The following USP37 variants were observed in gnomAD, a reference collection of about 807,000 sequenced individuals.
The protein encoded by USP37 is ubiquitin carboxyl-terminal hydrolase 37.
USP37 carries 27 observed loss-of-function variants against 124.0 expected under a neutral mutation model. The ratio of observed to expected loss-of-function variants is 0.22; its 90% CI spans 0.16 to 0.30. The LOEUF is 0.30. USP37 is among the 10% of genes least tolerant of loss of function. The probability of loss-of-function intolerance (pLI) is 1.00; values close to 1 mark genes in which losing one functional copy is unlikely to be tolerated. For missense variants in USP37, 889 were observed against 1,140.4 expected (o/e 0.78, Z 3.17); for synonymous variants, 365 against 388.0 (o/e 0.94, Z 0.70).
At chr2:218,480,649 C>G (rs1485130991) in intron 17 of USP37, among the ~76,000 whole-genome samples, 1 of 152,162 alleles carries the variant, frequency 6.6e-6, no homozygotes, top group Admixed American at 6.5e-5. Context: ...ATATTATTAC[C>G]TCATTTAATG....
Position 218,451,408 on chromosome 2 carries a change from C to A in USP37, c.*3522G>T, listed in dbSNP as rs1689473411. 1 of 152,176 alleles carries A rather than the reference C, an allele frequency of 6.6e-6. No individual in the cohort carries two copies. The highest frequency in any genetic ancestry group is 1.5e-5 in the Non-Finnish European group (1 of 68,036). 9.4% of individuals were successfully genotyped at this position (152,176 alleles called of 1,614,324 possible). On this transcript the variant is annotated 3_prime_UTR_variant, in exon 26 of 26. Coordinates refer to ENST00000258399, the MANE Select transcript of USP37 (RefSeq NM_020935.3). ...AATTAAATTAAAAAGGCCCTCCAAC[C>A]ACCCTAAATGGGATAACTAAGAGTA...
intron 1 of USP37, among the ~76,000 whole-genome samples, chr2:218,565,234 TTTTC>T (rs1373303306): frequency 6.6e-6 from 1 of 152,222 alleles, no homozygotes; most frequent in Non-Finnish European, 1.5e-5. Context: ...TATATTAATA[TTTTC>T]TTTGTCATTC....
At chr2:218,477,909 A>C (rs1691062087) in intron 18 of USP37, among the ~76,000 whole-genome samples, 1 of 152,250 alleles carries the variant, frequency 6.6e-6, no homozygotes, top group Non-Finnish European at 1.5e-5. Context: ...TAATGATGCC[A>C]GATAAGTAAG....
chr2:218,527,118 T>G (rs1277721849), intron 10 of USP37, among the ~76,000 whole-genome samples: 1 of 152,162 alleles, frequency 6.6e-6, no homozygotes, highest in Non-Finnish European at 1.5e-5. Flanking sequence ...CCTTGCTATA[T>G]TCCACGATCA....
chr2:218,476,249 G>A (rs1382141848), intron 19 of USP37, among the ~76,000 whole-genome samples: 2 of 152,108 alleles, frequency 1.3e-5, no homozygotes, highest in Non-Finnish European at 2.9e-5. Flanking sequence ...CTCTGTTGAT[G>A]TAAAATGTTT....
chr2:218,496,889 G>T (rs1261197976), intron 13 of USP37, among the ~76,000 whole-genome samples: 19 of 151,768 alleles, frequency 1.3e-4, no homozygotes, highest in Non-Finnish European at 1.5e-5. Context: ...GACCTCAGAT[G>T]ATCCACCCGC....
At chr2:218,482,672 A>C (rs1223458618) in intron 16 of USP37, among the ~76,000 whole-genome samples, 1 of 152,228 alleles carries the variant, frequency 6.6e-6, no homozygotes. Context: ...AATTACTTCA[A>C]GATGATTTTT....
intron 4 of USP37, among the ~76,000 whole-genome samples, chr2:218,556,639 G>A (rs1205800420): frequency 1.4e-5 from 2 of 145,478 alleles, no homozygotes; most frequent in Non-Finnish European, 3.0e-5. Context: ...TCAGCCTCCC[G>A]AGTAGCTGGG....
At position 218,546,956 on chromosome 2, in the gene USP37, T is replaced by C. The variant is rs1399589637; in HGVS notation, c.565A>G (p.Thr189Ala). Reference protein sequence around the residue: ...IARTIPSLTSTSTPLRSGLLE... With the variant: ...IARTIPSLTSASTPLRSGLLE... ...AACCCTGATCTAAGAGGTGTTGAAG[T>C]AGATGTCAAAGAAGGAATCGTCCGA... The change falls in exon 7 of 26, where the codon ACT becomes GCT. Residue 189 changes from threonine to alanine, a missense_variant. Transcript: ENST00000258399. 2 of 1,612,708 alleles carry C rather than the reference T, an allele frequency of 1.2e-6. No individual in the cohort carries two copies. Among genetic ancestry groups the C allele is most frequent in the East Asian group, 2.2e-5 (1 of 44,872 alleles).
intron 11 of USP37, among the ~76,000 whole-genome samples, chr2:218,505,054 A>C (rs1164139755): frequency 2.0e-5 from 3 of 151,970 alleles, no homozygotes; most frequent in Non-Finnish European, 4.4e-5. Flanking sequence ...TCATTTTGTC[A>C]CTCAAACTAG....
chr2:218,468,046 C>T (rs1487469311), intron 20 of USP37, among the ~76,000 whole-genome samples: 1 of 149,670 alleles, frequency 6.7e-6, no homozygotes, highest in Non-Finnish European at 1.5e-5. Context: ...CACCACCACA[C>T]CTGGCTAATT....
chr2:218,567,638 C>T (rs1693698413), intron 1 of USP37, among the ~76,000 whole-genome samples: 5 of 152,336 alleles, frequency 3.3e-5, no homozygotes, highest in Admixed American at 1.3e-4. Context: ...TAGGACAACT[C>T]TTCAGGACAC....
intron 11 of USP37, among the ~76,000 whole-genome samples, chr2:218,504,251 G>T (rs1208236006): frequency 6.6e-6 from 1 of 151,932 alleles, no homozygotes. Context: ...ATTTCTTATT[G>T]TTTCCATTAA....
At position 218,465,951 on chromosome 2, in the gene USP37, T is replaced by C. The variant is rs77299125; in HGVS notation, c.2466+59A>G. 17,810 of 1,551,052 alleles carry C rather than the reference T, an allele frequency of 0.011. 1,005 individuals are homozygous for C. The African/African-American group carries it at 0.16, about 14-fold the overall frequency. On this transcript the variant is annotated intron_variant, in intron 21 of 25. Coordinates refer to ENST00000258399, the MANE Select transcript of USP37 (RefSeq NM_020935.3). ...TAAGTGCTCAACACATTAGTTATTATTATTATATTTCTCAGGAAAGGTAAG... is the reference window on the plus strand; with the variant it reads ...TAAGTGCTCAACACATTAGTTATTACTATTATATTTCTCAGGAAAGGTAAG...
chr2:218,550,720 G>A (rs1425873645), intron 5 of USP37, among the ~76,000 whole-genome samples: 1 of 151,400 alleles, frequency 6.6e-6, no homozygotes, highest in African/African-American at 2.4e-5. Flanking sequence ...GTGGTAGTAG[G>A]AATCTGAGTT....
At chr2:218,504,635 A>C (rs1017368288) in intron 11 of USP37, among the ~76,000 whole-genome samples, 1 of 152,204 alleles carries the variant, frequency 6.6e-6, no homozygotes, top group Non-Finnish European at 1.5e-5. Context: ...GGGTCTTGCT[A>C]TGTGGCCCAG....
At chr2:218,490,948 A>G (rs186406764) in intron 14 of USP37, among the ~76,000 whole-genome samples, 1 of 152,316 alleles carries the variant, frequency 6.6e-6, no homozygotes, top group East Asian at 1.9e-4. Context: ...ACCACGGCTC[A>G]CTACAGCCTC....
intron 19 of USP37, among the ~76,000 whole-genome samples, chr2:218,475,545 G>A (rs1000809453): frequency 1.3e-5 from 2 of 152,172 alleles, no homozygotes; most frequent in Non-Finnish European, 2.9e-5. Flanking sequence ...GATCAGCCTG[G>A]CCAACATGGA....
rs1405746488 is a variant in USP37 at position 218,453,660 on chromosome 2, A to G, written c.*1270T>C. ...ACGTCAGCTAAGTGACTAGCATAGC[A>G]CTTAATGTTGCCGCTCTACTTTGCC... On this transcript the variant is annotated 3_prime_UTR_variant, in exon 26 of 26. Transcript: ENST00000258399. The G allele has an allele frequency of 3.3e-5, 5 of 152,214 alleles. No homozygotes were observed. Among genetic ancestry groups the G allele is most frequent in the Non-Finnish European group, 7.3e-5 (5 of 68,044 alleles). 9.4% of individuals were successfully genotyped at this position (152,214 alleles called of 1,614,324 possible). A position where few individuals can be genotyped will look rare whatever the true frequency, so the allele number is the denominator to read the frequency against.
Sources: gnomAD v4.1 joint callset for allele counts (sites outside exome capture counted in the v4.1 genomes callset) on GRCh38, gnomAD v4.1.1 for gene constraint, MANE v1.5 for transcripts, NCBI Gene and HGNC (gene_info 2026-07-23, HGNC 2026-07-21) for gene names.